Variants in GTF2A1L observed in about 807,000 individuals in gnomAD.
The protein encoded by GTF2A1L is general transcription factor IIA subunit 1 like.
A neutral mutation model predicts 49.7 loss-of-function variants in GTF2A1L; 48 were observed. The observed-to-expected ratio is 0.97, with a 90% CI of 0.77 to 1.23. GTF2A1L has a LOEUF of 1.23. Ranked by LOEUF, GTF2A1L falls within the 50% of genes most tolerant of loss-of-function variation. The probability of loss-of-function intolerance (pLI) is 0.00; values close to 1 mark genes in which losing one functional copy is unlikely to be tolerated. For synonymous variants in GTF2A1L, 246 were observed against 193.5 expected (o/e 1.27, Z -2.25); for missense variants, 736 against 564.8 (o/e 1.30, Z -3.07).
intron 3 of GTF2A1L, 59 bp downstream of exon 3, chr2:48,621,349 G>T (rs759802133): frequency 2.5e-6 from 4 of 1,610,560 alleles, no homozygotes; most frequent in Non-Finnish European, 3.4e-6. Flanking sequence ...TCTCATTTGG[G>T]AATGTTTTTC....
chr2:48,677,610 T>C (rs915764665), intron 8 of GTF2A1L, among the ~76,000 whole-genome samples: 1 of 151,916 alleles, frequency 6.6e-6, no homozygotes, highest in Admixed American at 6.6e-5. Context: ...CTGATTTATG[T>C]TTTTAGCAGA....
rs1478432717 is a variant in GTF2A1L at position 48,666,525 on chromosome 2, C to G, written c.979-3197C>G. Among the ~76,000 whole-genome samples the G allele has an allele frequency of 2.0e-5, 3 of 151,716 alleles. No homozygotes were observed. The East Asian group carries it at 5.8e-4, about 29-fold the overall frequency. On this transcript the variant is annotated intron_variant, in intron 6 of 8. Coordinates refer to ENST00000403751, the MANE Select transcript of GTF2A1L (RefSeq NM_006872.5). ...TTTAACCCAGTATGATAATCTCTAT[C>G]TTTTAAATGAGATGTTTAGGCCATT...
chr2:48,635,311 G>C (rs1343492229), intron 3 of GTF2A1L, among the ~76,000 whole-genome samples: 1 of 149,882 alleles, frequency 6.7e-6, no homozygotes, highest in Non-Finnish European at 1.5e-5. Flanking sequence ...GTGCTCCAAA[G>C]GTCTAGACAT....
chr2:48,623,428 A>G (rs1558697328), intron 3 of GTF2A1L, among the ~76,000 whole-genome samples: 2 of 152,198 alleles, frequency 1.3e-5, no homozygotes, highest in South Asian at 2.1e-4. Flanking sequence ...TGAAAAACAG[A>G]TGTTGGTGAA....
intron 6 of GTF2A1L, among the ~76,000 whole-genome samples, chr2:48,656,646 G>A (rs1221469228): frequency 1.3e-5 from 2 of 151,954 alleles, no homozygotes; most frequent in African/African-American, 2.4e-5. Flanking sequence ...TTTATGGGTT[G>A]CCTTTACTCT....
In GTF2A1L at chr2:48,647,735, A is replaced by T. The variant is rs563171099; in HGVS notation, c.978+693A>T. Reference sequence around the variant, plus strand: ...TCTTTTGGTATTGAAACCACTAAAAATTAGCTTCTAGTTAACTTTTGATAT... The same window carrying T: ...TCTTTTGGTATTGAAACCACTAAAATTTAGCTTCTAGTTAACTTTTGATAT... On this transcript the variant is annotated intron_variant, in intron 6 of 8. Coordinates refer to ENST00000403751, the MANE Select transcript of GTF2A1L (RefSeq NM_006872.5). Among the ~76,000 whole-genome samples the T allele has an allele frequency of 2.0e-5, 3 of 152,206 alleles. No homozygotes were observed. The South Asian group carries it at 6.2e-4, about 32-fold the overall frequency.
intron 3 of GTF2A1L, among the ~76,000 whole-genome samples, chr2:48,639,931 C>G (rs993179448): frequency 2.6e-5 from 4 of 151,988 alleles, no homozygotes; most frequent in South Asian, 2.1e-4. Flanking sequence ...ATGCAGCCAA[C>G]AAGCATATGA....
At chr2:48,667,204 C>T (rs1024137796) in intron 6 of GTF2A1L, among the ~76,000 whole-genome samples, 1 of 151,938 alleles carries the variant, frequency 6.6e-6, no homozygotes, top group Non-Finnish European at 1.5e-5. Context: ...AGCAATCTGC[C>T]AGCTTCAGTG....
intron 6 of GTF2A1L, among the ~76,000 whole-genome samples, chr2:48,669,158 C>T (rs563658059): frequency 2.7e-4 from 41 of 152,264 alleles, no homozygotes; most frequent in African/African-American, 9.6e-4. Flanking sequence ...AACAGAAACT[C>T]TGTACTCATT....
intron 6 of GTF2A1L, among the ~76,000 whole-genome samples, chr2:48,662,975 C>G (rs1174627670): frequency 2.6e-5 from 4 of 151,852 alleles, no homozygotes; most frequent in Non-Finnish European, 4.4e-5. Context: ...TGCTTATTAC[C>G]TGGGTGATGA....
At chr2:48,676,803 A>T (rs947069614) in intron 8 of GTF2A1L, among the ~76,000 whole-genome samples, 1 of 151,476 alleles carries the variant, frequency 6.6e-6, no homozygotes, top group African/African-American at 2.4e-5. Context: ...TATTTCATAT[A>T]TATCTATATA....
At chr2:48,675,578 A>C (rs887033300) in intron 8 of GTF2A1L, among the ~76,000 whole-genome samples, 1 of 152,068 alleles carries the variant, frequency 6.6e-6, no homozygotes. Flanking sequence ...GAGAATGTCT[A>C]AAATTAATAT....
At chr2:48,661,325 C>T (rs949941256) in intron 6 of GTF2A1L, among the ~76,000 whole-genome samples, 10 of 138,844 alleles carry the variant, frequency 7.2e-5, no homozygotes, top group South Asian at 2.3e-4. Context: ...GCACAATCTC[C>T]GCTCACTGCA....
At chr2:48,631,576 G>T (rs1676580203) in intron 3 of GTF2A1L, among the ~76,000 whole-genome samples, 1 of 151,938 alleles carries the variant, frequency 6.6e-6, no homozygotes, top group South Asian at 2.1e-4. Flanking sequence ...ACCGGTGTTT[G>T]GTTTCATTGA....
At chr2:48,618,519 T>G (rs562885463) in intron 1 of GTF2A1L, among the ~76,000 whole-genome samples, 2 of 152,358 alleles carry the variant, frequency 1.3e-5, no homozygotes, top group South Asian at 4.1e-4. Flanking sequence ...TTCATCTTTA[T>G]TACCAATTCA....
intron 6 of GTF2A1L, among the ~76,000 whole-genome samples, chr2:48,662,473 A>G (rs1203985362): frequency 1.3e-5 from 2 of 152,220 alleles, no homozygotes; most frequent in East Asian, 3.9e-4. Flanking sequence ...GTTTTTATCT[A>G]GGAATGTCTT....
At chr2:48,628,066 T>C (rs1305800848) in intron 3 of GTF2A1L, among the ~76,000 whole-genome samples, 1 of 144,432 alleles carries the variant, frequency 6.9e-6, no homozygotes, top group Non-Finnish European at 1.6e-5. Context: ...TCTTTGTTTT[T>C]TATGAGTGCA....
chr2:48,621,402 C>G (rs1675993896), intron 3 of GTF2A1L, 112 bp downstream of exon 3: 4 of 1,413,796 alleles, frequency 2.8e-6, no homozygotes, highest in African/African-American at 1.4e-5. Context: ...GGCTTGGACA[C>G]CTAAATCATT....
rs1295068673 is a variant in GTF2A1L at position 48,628,228 on chromosome 2, T to C, written c.247+6938T>C. ...TTTTGGTAGAAAGATTTCTTTCTTTTGGATATATAGCCAATAATGGGATTG... is the reference window on the plus strand; with the variant it reads ...TTTTGGTAGAAAGATTTCTTTCTTTCGGATATATAGCCAATAATGGGATTG... On this transcript the variant is annotated intron_variant, in intron 3 of 8. Coordinates refer to ENST00000403751, the MANE Select transcript of GTF2A1L (RefSeq NM_006872.5). 1.4e-5 allele frequency among the ~76,000 whole-genome samples: 2 copies of C among 144,232 alleles called. 1 individual carries two copies. The highest frequency in any genetic ancestry group is 3.1e-5 in the Non-Finnish European group (2 of 63,982). The allele number at this position is 144,232 out of a possible 152,430, so 94.6% of individuals were successfully genotyped here.
Sources: allele counts gnomAD v4.1 joint callset (sites outside exome capture counted in the v4.1 genomes callset), GRCh38; gene constraint gnomAD v4.1.1; transcripts MANE v1.5; gene names NCBI Gene and HGNC (gene_info 2026-07-23, HGNC 2026-07-21).